The following GPR19 variants were observed in gnomAD, a reference collection of about 807,000 sequenced individuals.
GPR19 encodes the protein probable G protein-coupled receptor 19.
GPR19 carries 14 observed loss-of-function variants against 28.5 expected under a neutral mutation model. The observed-to-expected ratio is 0.49, with a 90% CI of 0.32 to 0.77. The LOEUF (loss-of-function observed/expected upper bound fraction) is 0.77. GPR19 is among the 30% of genes least tolerant of loss of function. The pLI, the probability that GPR19 is intolerant of heterozygous loss-of-function variation, is 0.03. For missense variants in GPR19, 409 were observed against 504.1 expected (o/e 0.81, Z 1.81); for synonymous variants, 173 against 184.1 (o/e 0.94, Z 0.49).
chr12:12,670,608 C>A lies in GPR19; in HGVS notation c.-22-8138G>T, dbSNP rs150441218. On this transcript the variant is annotated intron_variant, in intron 3 of 3. Coordinates refer to ENST00000651487, the MANE Select transcript of GPR19 (RefSeq NM_006143.3). Reference sequence around the variant, plus strand: ...CATCTGCCTGGTATGAGGAAAACAACAGGTGTTATTTTTATATACAGTTCT... The same window carrying A: ...CATCTGCCTGGTATGAGGAAAACAAAAGGTGTTATTTTTATATACAGTTCT... Among the ~76,000 whole-genome samples the A allele has an allele frequency of 1.5e-3, 230 of 152,300 alleles. 4 individuals are homozygous for A. Among genetic ancestry groups the A allele is most frequent in the East Asian group, 0.011 (56 of 5,194 alleles).
At chr12:12,681,723 C>T (rs1010788237) in intron 3 of GPR19, among the ~76,000 whole-genome samples, 2 of 152,238 alleles carry the variant, frequency 1.3e-5, no homozygotes, top group Admixed American at 1.3e-4. Context: ...CAAGGACACA[C>T]ACTTTATCCA....
At chr12:12,711,042 G>A in the GPR19 span, among the ~76,000 whole-genome samples, 85,069 of 151,874 alleles carry the variant, frequency 0.56, 24,953 homozygotes, top group East Asian at 0.76. Context: ...GGTAGCTCAT[G>A]CCTGTAATCC....
intron 3 of GPR19, among the ~76,000 whole-genome samples, chr12:12,680,823 G>A (rs1285938204): frequency 6.6e-6 from 1 of 152,120 alleles, no homozygotes; most frequent in Non-Finnish European, 1.5e-5. Context: ...CAAGTAGCTG[G>A]GATTACAGGC....
At position 12,661,204 on chromosome 12, in the gene GPR19, G is replaced by A. The variant is rs1945666212; in HGVS notation, c.1245C>T (p.Val415=). Residue 415 remains valine, a synonymous_variant, in exon 4 of 4, where the codon GTC becomes GTT. Transcript: ENST00000651487. This position sits in a 1 kb window ranked among gnomAD's most constrained non-coding sequence, Gnocchi z 4.2. ...PINSNPPNTF[V] is the part of the protein sequence containing the mutation. The stretch of plus-strand genomic sequence containing the variant: ...TAACAATTGAAAGAATGAGAACTTA[G>A]ACAAAAGTATTTGGTGGATTTGAGT... 1.3e-6 allele frequency: 2 copies of A among 1,595,836 alleles called. No individual in the cohort carries two copies. Among genetic ancestry groups the A allele is most frequent in the African/African-American group, 2.7e-5 (2 of 73,788 alleles).
chr12:12,703,422 G>A, the GPR19 span: 2,350 of 985,328 alleles, frequency 2.4e-3, 43 homozygotes, highest in African/African-American at 0.037. Flanking sequence ...GACATGAAAA[G>A]CCAAACTATG....
chr12:12,680,070 A>G (rs1320649622), intron 3 of GPR19, among the ~76,000 whole-genome samples: 2 of 152,200 alleles, frequency 1.3e-5, no homozygotes, highest in East Asian at 1.9e-4. Context: ...CTAGGTGGCA[A>G]GATCACAACT....
chr12:12,710,879 T>G, the GPR19 span, among the ~76,000 whole-genome samples: 1 of 152,200 alleles, frequency 6.6e-6, no homozygotes, highest in African/African-American at 2.4e-5. Flanking sequence ...TTTCATTCTT[T>G]CTTTTCCCTG....
In GPR19 at chr12:12,661,102, C is replaced by T; in HGVS notation, c.*99G>A. 3 of 811,836 alleles carry T rather than the reference C, an allele frequency of 3.7e-6. No homozygotes were observed. The highest frequency in any genetic ancestry group is 5.6e-6 in the Non-Finnish European group (3 of 534,360). 50.3% of individuals were successfully genotyped at this position (811,836 alleles called of 1,614,324 possible). A position where few individuals can be genotyped will look rare whatever the true frequency, so the allele number is the denominator to read the frequency against. On this transcript the variant is annotated 3_prime_UTR_variant, in exon 4 of 4. Transcript: ENST00000651487. The surrounding 1 kb of genome is among the most constrained non-coding windows in gnomAD (Gnocchi z 4.2). ...ATGCATTTTACAAAATAAAACATTT[C>T]CCTTGGAAAGTTGAGTGAAAACAAA...
At chr12:12,682,307 C>T (rs979270231) in intron 3 of GPR19, among the ~76,000 whole-genome samples, 3 of 152,196 alleles carry the variant, frequency 2.0e-5, no homozygotes, top group African/African-American at 7.2e-5. Context: ...CAGGGCCAGC[C>T]TAACTATATA....
upstream of GPR19, among the ~76,000 whole-genome samples, chr12:12,698,645 C>T (rs138817904): frequency 4.7e-4 from 71 of 150,528 alleles, 1 homozygote; most frequent in East Asian, 0.014. Context: ...CGGTCTTGCT[C>T]TGTCACCCAG....
intron 3 of GPR19, among the ~76,000 whole-genome samples, chr12:12,683,930 G>A (rs866275807): frequency 7.5e-5 from 8 of 106,274 alleles, no homozygotes; most frequent in Admixed American, 3.3e-4. Flanking sequence ...GGAACAGCAC[G>A]CCTGCCCACT....
At chr12:12,673,550 G>A (rs1271618654) in intron 3 of GPR19, among the ~76,000 whole-genome samples, 2 of 152,214 alleles carry the variant, frequency 1.3e-5, no homozygotes, top group African/African-American at 4.8e-5. Context: ...CTGAAACAGG[G>A]TCTGGTTTTA....
chr12:12,662,180 A>G lies in GPR19; in HGVS notation c.269T>C (p.Ile90Thr). The G allele has an allele frequency of 6.2e-7, 1 of 1,614,238 alleles. No individual in the cohort carries two copies. Among genetic ancestry groups the G allele is most frequent in the Non-Finnish European group, 8.5e-7 (1 of 1,180,032 alleles). Residue 90 changes from isoleucine (I) to threonine (T), a missense_variant, in exon 4 of 4, where the codon ATC (isoleucine) becomes ACC (threonine). By Grantham distance (89) the Ile-to-Thr change is moderately conservative. Transcript: ENST00000651487. ...AGACTGAGTCCTCCTACTCCTATGG[A>G]TGACCAAACAAACCAGGGAATTGCC... is the stretch of plus-strand genomic sequence containing the variant. Reference protein sequence around the residue: ...IFGNSLVCLVIHRSRRTQSTT... With the variant: ...IFGNSLVCLVTHRSRRTQSTT...
In GPR19 at chr12:12,694,188, C is replaced by CTTTTTTTTTTTTTTTTTTT. The variant is rs147543699; in HGVS notation, c.-180+1252_-180+1270dup. ...TGTGTGGGCATGGTAGAGTACCTGT[C>CTTTTTTTTTTTTTTTTTTT]TTTTTTTTTTTTTTTTTTTTTTTTT... is the stretch of plus-strand genomic sequence containing the variant. On this transcript the variant is annotated intron_variant, in intron 2 of 3. Coordinates refer to ENST00000651487, the MANE Select transcript of GPR19 (RefSeq NM_006143.3). Among the ~76,000 whole-genome samples, 13 of 43,850 alleles carry CTTTTTTTTTTTTTTTTTTT rather than the reference C, an allele frequency of 3.0e-4. 2 individuals carry two copies. Among genetic ancestry groups the CTTTTTTTTTTTTTTTTTTT allele is most frequent in the Admixed American group, 4.0e-4 (1 of 2,484 alleles). The allele number at this position is 43,850 out of a possible 152,430, so 28.8% of individuals were successfully genotyped here.
At chr12:12,690,552 A>T (rs1946166829) in intron 2 of GPR19, among the ~76,000 whole-genome samples, 1 of 152,256 alleles carries the variant, frequency 6.6e-6, no homozygotes, top group South Asian at 2.1e-4. Flanking sequence ...ACTGCCTCCA[A>T]TTCTCTCTGT....
At chr12:12,667,812 T>C (rs1341225949) in intron 3 of GPR19, among the ~76,000 whole-genome samples, 3 of 152,184 alleles carry the variant, frequency 2.0e-5, no homozygotes, top group Non-Finnish European at 4.4e-5. Flanking sequence ...TTTTGCATGT[T>C]TGTCTCCCCC....
At chr12:12,700,161 T>TCTCTC (rs1565414499), upstream of GPR19, among the ~76,000 whole-genome samples, 4 of 145,534 alleles carry the variant, frequency 2.7e-5, no homozygotes, top group Non-Finnish European at 6.1e-5. Context: ...CTCTCTTTCT[T>TCTCTC]TCTCTCTCTC....
intron 2 of GPR19, among the ~76,000 whole-genome samples, chr12:12,692,167 C>T (rs1946190639): frequency 6.6e-6 from 1 of 152,210 alleles, no homozygotes; most frequent in African/African-American, 2.4e-5. Flanking sequence ...CCCTGTACCT[C>T]ACAGGTATTA....
the GPR19 span, among the ~76,000 whole-genome samples, chr12:12,708,216 C>T: frequency 1.3e-5 from 2 of 151,850 alleles, no homozygotes; most frequent in African/African-American, 4.8e-5. Flanking sequence ...CCAGGCTGGT[C>T]TCAAACTTCT....
Sources: allele counts gnomAD v4.1 joint callset (sites outside exome capture counted in the v4.1 genomes callset), GRCh38; gene constraint gnomAD v4.1.1; non-coding constraint Gnocchi (gnomAD v3.1); transcripts MANE v1.5; gene names NCBI Gene and HGNC (gene_info 2026-07-23, HGNC 2026-07-21).